The following EFCAB7 variants were observed in gnomAD, a reference collection of about 807,000 sequenced individuals.
The protein encoded by EFCAB7 is EF-hand calcium binding domain 7.
Under a neutral mutation model 77.1 loss-of-function variants are expected in EFCAB7, and 66 were observed. That is an observed-to-expected ratio of 0.86 (90% CI 0.70 to 1.05). EFCAB7 has a LOEUF of 1.05. EFCAB7 is among the 50% of genes least tolerant of loss of function. The probability of loss-of-function intolerance (pLI) is 0.00; values close to 1 mark genes in which losing one functional copy is unlikely to be tolerated. For missense variants in EFCAB7, 638 were observed against 730.5 expected (o/e 0.87, Z 1.46); for synonymous variants, 225 against 243.3 (o/e 0.92, Z 0.70).
chr1:63,564,550 G>T (rs565290957), intron 11 of EFCAB7, among the ~76,000 whole-genome samples: 1 of 152,252 alleles, frequency 6.6e-6, no homozygotes, highest in East Asian at 1.9e-4. Flanking sequence ...ACTGCTCAAA[G>T]AAATCAGAGA....
rs1176687050 is a variant in EFCAB7 at position 63,541,723 on chromosome 1, C to T, written c.805-4193C>T. ...GATTACAGGTGCCCACCACAACACC[C>T]GGCTAATTTTTGTATTTTTAGTAGA... On this transcript the variant is annotated intron_variant, in intron 6 of 13. Coordinates refer to ENST00000371088, the MANE Select transcript of EFCAB7 (RefSeq NM_032437.4). 3.9e-5 allele frequency among the ~76,000 whole-genome samples: 6 copies of T among 152,002 alleles called. No individual in the cohort carries two copies. The South Asian group carries it at 6.3e-4, about 16-fold the overall frequency.
At chr1:63,581,484 C>T in the EFCAB7 span, among the ~76,000 whole-genome samples, 1 of 149,994 alleles carries the variant, frequency 6.7e-6, no homozygotes, top group African/African-American at 2.4e-5. Flanking sequence ...CTTCTTTAGA[C>T]TGTTAATATG....
chr1:63,562,223 C>A (rs217476), intron 11 of EFCAB7, among the ~76,000 whole-genome samples: 91,353 of 151,220 alleles, frequency 0.6, 29,317 homozygotes, highest in African/African-American at 0.82. Flanking sequence ...AATAAGGAGA[C>A]TGTGTCTGCA....
In EFCAB7 at chr1:63,551,725, G is replaced by A; in HGVS notation, c.947G>A (p.Gly316Glu). The change falls in exon 8 of 14, where the codon GGA becomes GAA. Residue 316 changes from glycine to glutamate, a missense_variant and splice_region_variant. Gly to Glu is a moderately conservative substitution (Grantham distance 98). Transcript: ENST00000371088. ...TTTGGGCTTTTTTTTTTGTTTGTAGGAAAACCATCCCCTTGGTTATCCGTT... is the reference window on the plus strand; with the variant it reads ...TTTGGGCTTTTTTTTTTGTTTGTAGAAAAACCATCCCCTTGGTTATCCGTT... ...IKPLNLSQVE[G>E]KPSPWLSVDT... 6.7e-7 allele frequency: 1 copy of A among 1,502,314 alleles called. No homozygotes were observed. Among genetic ancestry groups the A allele is most frequent in the Non-Finnish European group, 8.9e-7 (1 of 1,123,540 alleles). The allele number at this position is 1,502,314 out of a possible 1,614,324, so 93.1% of individuals were successfully genotyped here. A position where few individuals can be genotyped will look rare whatever the true frequency, so the allele number is the denominator to read the frequency against.
chr1:63,577,977 AAAG>A, the EFCAB7 span, among the ~76,000 whole-genome samples: 1 of 152,146 alleles, frequency 6.6e-6, no homozygotes, highest in African/African-American at 2.4e-5. Context: ...AATAATATAA[AAAG>A]AGGACACATT....
downstream of EFCAB7, among the ~76,000 whole-genome samples, chr1:63,576,074 G>A (rs952120572): frequency 2.6e-5 from 4 of 152,278 alleles, no homozygotes; most frequent in South Asian, 2.1e-4. Context: ...AAAAAGAACT[G>A]TAATGATTTG....
the EFCAB7 span, among the ~76,000 whole-genome samples, chr1:63,583,240 A>G: frequency 1.3e-5 from 2 of 152,186 alleles, no homozygotes; most frequent in African/African-American, 4.8e-5. Context: ...ATGCAGTCAC[A>G]TTTATGATCA....
At chr1:63,530,170 C>G (rs1646670534) in intron 2 of EFCAB7, among the ~76,000 whole-genome samples, 1 of 152,192 alleles carries the variant, frequency 6.6e-6, no homozygotes, top group Non-Finnish European at 1.5e-5. Flanking sequence ...TTACCCTGAT[C>G]TGGTTTCTAT....
At chr1:63,561,362 C>A (rs1275188545) in intron 10 of EFCAB7, among the ~76,000 whole-genome samples, 1 of 152,138 alleles carries the variant, frequency 6.6e-6, no homozygotes, top group East Asian at 1.9e-4. Flanking sequence ...CATTTTAATT[C>A]TTTGAAATAT....
At chr1:63,573,131 AAAAC>A (rs1647316417), downstream of EFCAB7, among the ~76,000 whole-genome samples, 3 of 152,246 alleles carry the variant, frequency 2.0e-5, no homozygotes, top group South Asian at 6.2e-4. Context: ...TAAGAAAAAT[AAAAC>A]AAAATAGTGT....
downstream of EFCAB7, among the ~76,000 whole-genome samples, chr1:63,575,457 A>G (rs1647384827): frequency 1.3e-5 from 2 of 152,168 alleles, no homozygotes; most frequent in Admixed American, 6.5e-5. Context: ...GAGGGTGAGC[A>G]TATTATTTTA....
rs1370144339 is a variant in EFCAB7 at position 63,568,367 on chromosome 1, G to A, written c.1555G>A (p.Val519Ile). 6.3e-7 allele frequency: 1 copy of A among 1,599,498 alleles called. No individual in the cohort carries two copies. The highest frequency in any genetic ancestry group is 2.3e-5 in the East Asian group (1 of 44,088). ...AEKCKPKIKA[V>I]HMEACSGQLE... ...AAAATGCAAGCCAAAAATTAAAGCT[G>A]TCCATATGGAGGCATGTAGTGGACA... Residue 519 changes from valine to isoleucine, a missense_variant, in exon 12 of 14, where the codon GTC becomes ATC. Physicochemically the swap from Val to Ile is conservative, Grantham distance 29. Transcript: ENST00000371088.
chr1:63,577,465 C>A (rs1647456934), downstream of EFCAB7, among the ~76,000 whole-genome samples: 1 of 152,074 alleles, frequency 6.6e-6, no homozygotes, highest in Non-Finnish European at 1.5e-5. Context: ...TGTAAGCTTT[C>A]TGGCAATTTC....
chr1:63,545,926 A>C lies in EFCAB7; in HGVS notation c.815A>C (p.His272Pro). 6.2e-7 allele frequency: 1 copy of C among 1,613,468 alleles called. No homozygotes were observed. The highest frequency in any genetic ancestry group is 8.5e-7 in the Non-Finnish European group (1 of 1,179,808). The change falls in exon 7 of 14, where the codon CAC becomes CCC. Residue 272 changes from histidine to proline, a missense_variant. Coordinates refer to ENST00000371088, the MANE Select transcript of EFCAB7 (RefSeq NM_032437.4). ...TTTCCTTCATTTCAGGACTGGCAAC[A>C]CATGCAATCAAAAGGTTGCTTCTTC... The part of the protein sequence containing the change: ...MEPNLIKDWQ[H>P]MQSKGCFFLE...
At chr1:63,562,445 T>A (rs1368383014) in intron 11 of EFCAB7, among the ~76,000 whole-genome samples, 2 of 71,066 alleles carry the variant, frequency 2.8e-5, no homozygotes, top group Non-Finnish European at 5.3e-5. Context: ...CCTTCTTAAT[T>A]TATTTATATA....
chr1:63,530,179 AT>A (rs1465691091), intron 2 of EFCAB7, among the ~76,000 whole-genome samples: 1 of 152,192 alleles, frequency 6.6e-6, no homozygotes, highest in South Asian at 2.1e-4. Flanking sequence ...TCTGGTTTCT[AT>A]TTCCATGAGG....
At chr1:63,562,449 T>TTATTTATA (rs1393426376) in intron 11 of EFCAB7, among the ~76,000 whole-genome samples, 1 of 22,462 alleles carries the variant, frequency 4.5e-5, no homozygotes, top group Non-Finnish European at 7.5e-5. Flanking sequence ...CTTAATTTAT[T>TTATTTATA]TATATATATA....
intron 7 of EFCAB7, 138 bp downstream of exon 7, chr1:63,546,195 A>G: frequency 1.1e-6 from 1 of 934,206 alleles, no homozygotes; most frequent in Non-Finnish European, 1.6e-6. Flanking sequence ...ATTTCAAGAA[A>G]GTGTTGGCTT....
intron 11 of EFCAB7, 21 bp from the exon 12 acceptor site, chr1:63,568,289 A>C (rs372343112): frequency 5.3e-4 from 830 of 1,571,942 alleles, no homozygotes; most frequent in Non-Finnish European, 6.8e-4. Context: ...AGGCTGAAAC[A>C]AGATTTTTTT....
Sources: allele counts gnomAD v4.1 joint callset (sites outside exome capture counted in the v4.1 genomes callset), GRCh38; gene constraint gnomAD v4.1.1; transcripts MANE v1.5; gene names NCBI Gene and HGNC (gene_info 2026-07-23, HGNC 2026-07-21).